AGBL1: variants seen among roughly 807,000 people sequenced by gnomAD.
AGBL1 encodes AGBL carboxypeptidase 1, also known as cytosolic carboxypeptidase 4.
A neutral mutation model predicts 118.9 loss-of-function variants in AGBL1; 130 were observed. The ratio of observed to expected loss-of-function variants is 1.09; its 90% CI spans 0.95 to 1.26. The LOEUF (loss-of-function observed/expected upper bound fraction) is 1.26. Ranked by LOEUF, AGBL1 falls within the 50% of genes most tolerant of loss-of-function variation. The pLI, the probability that AGBL1 is intolerant of heterozygous loss-of-function variation, is 0.00. For missense variants in AGBL1, 1,584 were observed against 1,298.1 expected (o/e 1.22, Z -3.38); for synonymous variants, 555 against 478.9 (o/e 1.16, Z -2.08).
chr15:86,514,135 AAC>A (rs3084321), intron 18 of AGBL1, among the ~76,000 whole-genome samples: 47,667 of 149,144 alleles, frequency 0.32, 8,532 homozygotes, highest in Middle Eastern at 0.51. Flanking sequence ...TACACACACA[AAC>A]ACACACACAC....
At chr15:86,499,367 T>C (rs1333569312) in intron 18 of AGBL1, among the ~76,000 whole-genome samples, 2 of 151,866 alleles carry the variant, frequency 1.3e-5, no homozygotes, top group African/African-American at 4.8e-5. Context: ...GAGAAAAGAA[T>C]AATATGGGTT....
chr15:86,716,208 C>A (rs1048141163), intron 22 of AGBL1, among the ~76,000 whole-genome samples: 1 of 152,078 alleles, frequency 6.6e-6, no homozygotes, highest in African/African-American at 2.4e-5. Context: ...CAGTCTAGGT[C>A]TTTCTCAAAA....
At chr15:86,898,552 A>T (rs1278398408) in intron 22 of AGBL1, among the ~76,000 whole-genome samples, 1 of 152,200 alleles carries the variant, frequency 6.6e-6, no homozygotes, top group Non-Finnish European at 1.5e-5. Context: ...GACAACTGGG[A>T]TCTAATTAAA....
intron 18 of AGBL1, among the ~76,000 whole-genome samples, chr15:86,437,330 C>T (rs1021742886): frequency 6.6e-6 from 1 of 152,186 alleles, no homozygotes; most frequent in Non-Finnish European, 1.5e-5. Flanking sequence ...TGATCAGCCA[C>T]TTCTTCTCTC....
intron 24 of AGBL1, among the ~76,000 whole-genome samples, chr15:87,021,427 T>C (rs2081663184): frequency 6.6e-6 from 1 of 152,066 alleles, no homozygotes; most frequent in African/African-American, 2.4e-5. Flanking sequence ...ATTTAGGAAA[T>C]AGGCATGGGC....
rs77231728 is a variant in AGBL1, at chr15:86,187,489, A to G, written c.488+28463A>G. 8.2e-3 allele frequency among the ~76,000 whole-genome samples: 1,247 copies of G among 152,284 alleles called. 16 individuals are homozygous for G. The highest frequency in any genetic ancestry group is 0.029 in the African/African-American group (1,204 of 41,564). The stretch of plus-strand genomic sequence containing the variant: ...GTCAGAAGCCATGGATTTGGGTTCA[A>G]GAGTGGGCTCCCTCTCTTTCATTGA... On this transcript the variant is annotated intron_variant, in intron 5 of 22. Coordinates refer to ENST00000614907, the MANE Select transcript of AGBL1 (RefSeq NM_001386094.1).
At chr15:86,127,004 G>A (rs1237782244) in intron 1 of AGBL1, among the ~76,000 whole-genome samples, 1 of 152,174 alleles carries the variant, frequency 6.6e-6, no homozygotes, top group Non-Finnish European at 1.5e-5. Context: ...AAATACTTCT[G>A]AGATGTGCCT....
rs529706386 is a variant in AGBL1 at position 86,823,337 on chromosome 15, C to A, written c.3159-83750C>A. Reference sequence around the variant, plus strand: ...TCTGAGAATCTTTAATCCCCAAATTCTCTTGAGTTCCTCAGGCCAGTAGAA... The same window carrying A: ...TCTGAGAATCTTTAATCCCCAAATTATCTTGAGTTCCTCAGGCCAGTAGAA... On this transcript the variant is annotated intron_variant, in intron 22 of 22. Coordinates refer to ENST00000614907, the MANE Select transcript of AGBL1 (RefSeq NM_001386094.1). Among the ~76,000 whole-genome samples the A allele has an allele frequency of 9.2e-5, 14 of 152,276 alleles. No homozygotes were observed. The South Asian group carries it at 2.9e-3, about 32-fold the overall frequency.
At chr15:86,409,268 A>T (rs2081577678) in intron 18 of AGBL1, among the ~76,000 whole-genome samples, 2 of 152,182 alleles carry the variant, frequency 1.3e-5, no homozygotes, top group Admixed American at 1.3e-4. Flanking sequence ...GACAGCACTG[A>T]GGGCCCTGGT....
chr15:86,124,154 A>G (rs1025688571), intron 1 of AGBL1, among the ~76,000 whole-genome samples: 2 of 152,066 alleles, frequency 1.3e-5, no homozygotes, highest in Non-Finnish European at 2.9e-5. Flanking sequence ...ACATGGTGCA[A>G]TCCCATCTCT....
chr15:87,030,743 T>C (rs1272141757), downstream of AGBL1, among the ~76,000 whole-genome samples: 1 of 152,034 alleles, frequency 6.6e-6, no homozygotes, highest in African/African-American at 2.4e-5. Context: ...AATTTACTAC[T>C]TCCTTATGAA....
chr15:86,269,826 T>G, intron 13 of AGBL1, 93 bp from the exon 14 acceptor site: 1 of 1,411,414 alleles, frequency 7.1e-7, no homozygotes, highest in Non-Finnish European at 9.6e-7. Flanking sequence ...CTTAGATCTG[T>G]AACCCAGAAA....
chr15:86,639,026 T>G (rs1278518291), intron 21 of AGBL1, among the ~76,000 whole-genome samples: 2 of 152,210 alleles, frequency 1.3e-5, no homozygotes, highest in Non-Finnish European at 2.9e-5. Flanking sequence ...GTGGGCCTTT[T>G]GCTTCATTGA....
rs565744350 is a variant in AGBL1, at chr15:86,471,609, A to G, written c.2556-51201A>G. On this transcript the variant is annotated intron_variant, in intron 18 of 22. Transcript: ENST00000614907. Reference sequence around the variant, plus strand: ...CTCCTCTTCAATTTTTTTGTATGTGATTGATATTTAAATCACATTTCTAAT... The same window carrying G: ...CTCCTCTTCAATTTTTTTGTATGTGGTTGATATTTAAATCACATTTCTAAT... Among the ~76,000 whole-genome samples the G allele has an allele frequency of 2.0e-5, 3 of 151,038 alleles. No homozygotes were observed. The Admixed American group carries it at 2.0e-4, about 10-fold the overall frequency.
intron 10 of AGBL1, among the ~76,000 whole-genome samples, chr15:86,263,885 T>C (rs376856177): frequency 6.6e-6 from 1 of 152,198 alleles, no homozygotes; most frequent in African/African-American, 2.4e-5. Context: ...GAAGGAAATT[T>C]CAGTTTAGTA....
At chr15:86,291,648 A>T (rs1052234250) in intron 16 of AGBL1, among the ~76,000 whole-genome samples, 4 of 152,242 alleles carry the variant, frequency 2.6e-5, no homozygotes, top group Non-Finnish European at 5.9e-5. Flanking sequence ...CTATGGAATT[A>T]TGTGGTCATG....
At chr15:86,825,114 A>G (rs1366014888) in intron 22 of AGBL1, among the ~76,000 whole-genome samples, 1 of 151,968 alleles carries the variant, frequency 6.6e-6, no homozygotes, top group African/African-American at 2.4e-5. Flanking sequence ...TTCAGAACTC[A>G]ACCTACGCAA....
chr15:86,527,904 A>G (rs1055942994), intron 19 of AGBL1, among the ~76,000 whole-genome samples: 2 of 152,118 alleles, frequency 1.3e-5, no homozygotes, highest in Admixed American at 6.5e-5. Context: ...ACTCATCCAT[A>G]TATCTGTCCA....
At chr15:86,737,056 A>G (rs1008321183) in intron 22 of AGBL1, among the ~76,000 whole-genome samples, 3 of 152,170 alleles carry the variant, frequency 2.0e-5, no homozygotes, top group Non-Finnish European at 4.4e-5. Flanking sequence ...GCTGAATGCT[A>G]TGTGTAGAAG....
Sources: allele counts gnomAD v4.1 joint callset (sites outside exome capture counted in the v4.1 genomes callset), GRCh38; gene constraint gnomAD v4.1.1; transcripts MANE v1.5; gene names NCBI Gene and HGNC (gene_info 2026-07-23, HGNC 2026-07-21).